The following PIK3C2A variants were observed in gnomAD, a reference collection of about 807,000 sequenced individuals.
PIK3C2A encodes the protein phosphatidylinositol-4-phosphate 3-kinase catalytic subunit type 2 alpha.
In PIK3C2A, 97 loss-of-function variants were observed where a neutral mutation model predicts 204.5. That is an observed-to-expected ratio of 0.47 (90% CI 0.40 to 0.56). The LOEUF (loss-of-function observed/expected upper bound fraction) is 0.56, where lower values mean the gene tolerates loss of function less well. Ranked by LOEUF, PIK3C2A falls within the 20% of genes least tolerant of loss-of-function variation. The probability of loss-of-function intolerance (pLI) is 0.00; values close to 1 mark genes in which losing one functional copy is unlikely to be tolerated. For missense variants in PIK3C2A, 1,735 were observed against 1,969.2 expected, an observed-to-expected ratio of 0.88 and a Z score of 2.25; for synonymous variants, 653 against 664.4, an observed-to-expected ratio of 0.98 and a Z score of 0.26.
intron 3 of PIK3C2A, among the ~76,000 whole-genome samples, chr11:17,154,109 A>G (rs953005268): frequency 1.3e-5 from 2 of 152,148 alleles, no homozygotes; most frequent in African/African-American, 4.8e-5. Context: ...GTAAACAAAA[A>G]CAATCATTTT....
chr11:17,103,374 T>C (rs1208060870), intron 23 of PIK3C2A, among the ~76,000 whole-genome samples: 1 of 152,092 alleles, frequency 6.6e-6, no homozygotes, highest in Non-Finnish European at 1.5e-5. Context: ...ATTACTAATA[T>C]AATATTGTAT....
chr11:17,155,030 G>A (rs1428236418), intron 3 of PIK3C2A, among the ~76,000 whole-genome samples: 1 of 152,160 alleles, frequency 6.6e-6, no homozygotes, highest in African/African-American at 2.4e-5. Context: ...TTACTTCTCT[G>A]AGTCTCAGTT....
intron 1 of PIK3C2A, among the ~76,000 whole-genome samples, chr11:17,196,600 T>C (rs1316485883): frequency 1.3e-5 from 2 of 151,970 alleles, no homozygotes; most frequent in African/African-American, 4.8e-5. Context: ...GACGGAGTCT[T>C]GCTCTGTCAC....
At chr11:17,184,332 C>A (rs989191660) in intron 1 of PIK3C2A, among the ~76,000 whole-genome samples, 1 of 151,762 alleles carries the variant, frequency 6.6e-6, no homozygotes, top group African/African-American at 2.4e-5. Flanking sequence ...CATATTATGG[C>A]CCCTGAGGAC....
At chr11:17,119,706 G>A in intron 16 of PIK3C2A, 80 bp downstream of exon 16, 1 of 804,774 alleles carries the variant, frequency 1.2e-6, no homozygotes. Context: ...CATGTTAAAA[G>A]GAAAGGAAAT....
At chr11:17,134,506 C>T (rs959717209) in intron 11 of PIK3C2A, among the ~76,000 whole-genome samples, 1 of 152,192 alleles carries the variant, frequency 6.6e-6, no homozygotes, top group Non-Finnish European at 1.5e-5. Context: ...GGATTACAGG[C>T]ATGTGCCACC....
At chr11:17,092,873 A>G (rs1277597190) in intron 28 of PIK3C2A, among the ~76,000 whole-genome samples, 3 of 152,198 alleles carry the variant, frequency 2.0e-5, no homozygotes, top group Non-Finnish European at 4.4e-5. Flanking sequence ...TACCTACTTA[A>G]TACTTATTTT....
intron 1 of PIK3C2A, among the ~76,000 whole-genome samples, chr11:17,177,295 G>C (rs933216663): frequency 9.9e-5 from 15 of 152,044 alleles, no homozygotes; most frequent in Admixed American, 7.9e-4. Flanking sequence ...ATCATCACCA[G>C]ATGACTAGCA....
chr11:17,109,702 T>C (rs7478986), intron 22 of PIK3C2A, among the ~76,000 whole-genome samples: 68,867 of 151,832 alleles, frequency 0.45, 16,092 homozygotes, highest in Non-Finnish European at 0.51. Context: ...CAGCTGAGAC[T>C]ATTTATTCAT....
chr11:17,089,655 GTGTGTGTGTGTC>G lies in PIK3C2A; in HGVS notation c.*71_*82del, dbSNP rs1565231865. 1 of 768,748 alleles carries G rather than the reference GTGTGTGTGTGTC, an allele frequency of 1.3e-6. No individual in the cohort carries two copies. Among genetic ancestry groups the G allele is most frequent in the Non-Finnish European group, 2.1e-6 (1 of 468,030 alleles). The allele number at this position is 768,748 out of a possible 1,614,324, so 47.6% of individuals were successfully genotyped here. On this transcript the variant is annotated 3_prime_UTR_variant, in exon 33 of 33. Coordinates refer to ENST00000691414, the MANE Select transcript of PIK3C2A (RefSeq NM_002645.4). ...AATACTATACAAAATTAACAAGTGT[GTGTGTGTGTGTC>G]TGTGTGTGTGTGCATGTATGCATGC...
intron 2 of PIK3C2A, among the ~76,000 whole-genome samples, chr11:17,163,394 C>T (rs568411571): frequency 2.0e-5 from 3 of 152,304 alleles, no homozygotes; most frequent in Admixed American, 2.0e-4. Context: ...TCAGCCCTTA[C>T]TATCAGTTAT....
chr11:17,169,150 A>G lies in PIK3C2A; in HGVS notation c.592T>C (p.Tyr198His). The G allele has an allele frequency of 1.2e-6, 2 of 1,614,082 alleles. No individual in the cohort carries two copies. The highest frequency in any genetic ancestry group is 1.7e-6 in the Non-Finnish European group (2 of 1,179,954). ...SLPGQSPYFS[Y>H]PLTPATPFHP... ...AAGGGTGTGGCAGGTGTCAAAGGAT[A>G]TGAGAAATATGGAGATTGTCCCGGA... The change falls in exon 2 of 33, where the codon TAT becomes CAT. Residue 198 changes from tyrosine (Y) to histidine (H), a missense_variant. Around this residue, in one of 6 missense-constraint regions of PIK3C2A, gnomAD observed 536 missense variants for 546.7 expected, o/e 0.98. Coordinates refer to ENST00000691414, the MANE Select transcript of PIK3C2A (RefSeq NM_002645.4).
At chr11:17,104,422 A>G (rs553284750) in intron 23 of PIK3C2A, among the ~76,000 whole-genome samples, 1 of 152,160 alleles carries the variant, frequency 6.6e-6, no homozygotes, top group South Asian at 2.1e-4. Context: ...CTGAGGCACA[A>G]AGATGTTAAA....
At position 17,134,902 on chromosome 11, in the gene PIK3C2A, A is replaced by G. The variant is rs1364452376; in HGVS notation, c.2025T>C (p.Ser675=). The change falls in exon 11 of 33, where the codon AGT becomes AGC. Residue 675 remains serine (S), a synonymous_variant. Transcript: ENST00000691414. ...SPTDCAQSSK[S]VKEAWTTTEQ... is the part of the protein sequence containing the mutation. The stretch of plus-strand genomic sequence containing the variant: ...CTGTTGTAGTCCATGCTTCCTTGAC[A>G]CTCTTGCTACTTTGGGCACAGTCTG... The G allele has an allele frequency of 6.2e-7, 1 of 1,614,032 alleles. No homozygotes were observed. The highest frequency in any genetic ancestry group is 1.7e-5 in the Admixed American group (1 of 60,004).
chr11:17,169,320 T>C lies in PIK3C2A; in HGVS notation c.422A>G (p.Gln141Arg), dbSNP rs1333084825. 1 of 1,614,184 alleles carries C rather than the reference T, an allele frequency of 6.2e-7. No individual in the cohort carries two copies. Among genetic ancestry groups the C allele is most frequent in the Non-Finnish European group, 8.5e-7 (1 of 1,180,012 alleles). ...LYFRPTIQRGQWPPGLPGPST... is the reference protein window; with the variant it reads ...LYFRPTIQRGRWPPGLPGPST... ...AGGCCCAGGTAATCCAGGTGGCCAC[T>C]GTCCTCTCTGAATAGTAGGTCTAAA... The change falls in exon 2 of 33, where the codon CAG becomes CGG. Residue 141 changes from glutamine (Q) to arginine (R), a missense_variant. This residue lies in a region of PIK3C2A where 536 missense variants were observed against 546.7 expected (regional missense o/e 0.98). Transcript: ENST00000691414.
intron 11 of PIK3C2A, among the ~76,000 whole-genome samples, chr11:17,132,959 T>G (rs1030788914): frequency 1.8e-4 from 28 of 152,220 alleles, no homozygotes; most frequent in African/African-American, 6.8e-4. Context: ...GAGTCTTAGA[T>G]TCAATAAAAT....
At chr11:17,171,324 AC>A (rs1174121509) in intron 1 of PIK3C2A, among the ~76,000 whole-genome samples, 6 of 152,182 alleles carry the variant, frequency 3.9e-5, no homozygotes, top group African/African-American at 1.4e-4. Flanking sequence ...CAGTTTAAAT[AC>A]CTAGAAAGCA....
At chr11:17,139,472 C>T (rs1849984693) in intron 8 of PIK3C2A, among the ~76,000 whole-genome samples, 1 of 152,168 alleles carries the variant, frequency 6.6e-6, no homozygotes, top group Admixed American at 6.5e-5. Flanking sequence ...GATCTGCCCA[C>T]CTCCACCTCC....
At chr11:17,198,422 T>C (rs560266825) in intron 1 of PIK3C2A, among the ~76,000 whole-genome samples, 90 of 152,274 alleles carry the variant, frequency 5.9e-4, no homozygotes, top group African/African-American at 2.1e-3. Flanking sequence ...CTGTGTGATT[T>C]TTAAAGTAAG....
Sources: gnomAD v4.1 joint callset for allele counts (sites outside exome capture counted in the v4.1 genomes callset) on GRCh38, gnomAD v4.1.1 for gene constraint, gnomAD v4.1.1 regional missense constraint, MANE v1.5 for transcripts, NCBI Gene and HGNC (gene_info 2026-07-23, HGNC 2026-07-21) for gene names.